The following NMS variants were observed in gnomAD, a reference collection of about 807,000 sequenced individuals.
The protein encoded by NMS is neuromedin S.
Under a neutral mutation model 32.2 loss-of-function variants are expected in NMS, and 30 were observed. The observed-to-expected ratio is 0.93, with a 90% confidence interval of 0.70 to 1.26. The LOEUF is 1.26. Among genes scored for constraint, NMS ranks in the 50% most tolerant of loss-of-function variants. NMS has a pLI of 0.00. For missense variants in NMS, 190 were observed against 186.3 expected, an observed-to-expected ratio of 1.02 and a Z score of -0.12; for synonymous variants, 76 against 58.5, an observed-to-expected ratio of 1.30 and a Z score of -1.37.
chr2:100,477,121 C>A, intron 3 of NMS, 123 bp from the exon 4 acceptor site: 1 of 761,812 alleles, frequency 1.3e-6, no homozygotes, highest in South Asian at 1.7e-5. Flanking sequence ...TTTTAGATTG[C>A]CAATTTATCA....
chr2:100,472,749 A>G, intron 1 of NMS, 46 bp from the exon 2 acceptor site: 1 of 1,221,054 alleles, frequency 8.2e-7, no homozygotes, highest in South Asian at 1.3e-5. Context: ...AGTAAATGCT[A>G]TGACCTCTTT....
chr2:100,478,606 A>G (rs1677157431), intron 5 of NMS, among the ~76,000 whole-genome samples: 1 of 152,100 alleles, frequency 6.6e-6, no homozygotes, highest in South Asian at 2.1e-4. Context: ...CTGGGACTAC[A>G]AGCACGTGCC....
chr2:100,471,767 C>T (rs1232772508), intron 1 of NMS, among the ~76,000 whole-genome samples: 1 of 152,192 alleles, frequency 6.6e-6, no homozygotes, highest in Non-Finnish European at 1.5e-5. Context: ...TTAGGCTAAG[C>T]TTAAGTGTGA....
intron 6 of NMS, among the ~76,000 whole-genome samples, chr2:100,479,641 G>C (rs914979789): frequency 6.6e-6 from 1 of 152,182 alleles, no homozygotes. Context: ...TGAAGGGCCC[G>C]GGGAGAGACC....
chr2:100,476,701 T>G (rs1251159668), intron 3 of NMS, among the ~76,000 whole-genome samples: 1 of 152,198 alleles, frequency 6.6e-6, no homozygotes, highest in Non-Finnish European at 1.5e-5. Flanking sequence ...TCCCGGCATC[T>G]CCTTGAGTCA....
chr2:100,481,764 A>G (rs1224380789), intron 8 of NMS, among the ~76,000 whole-genome samples: 2 of 152,206 alleles, frequency 1.3e-5, no homozygotes, highest in Non-Finnish European at 2.9e-5. Flanking sequence ...GACATTTGTG[A>G]TGTCTCACAA....
At chr2:100,478,010 G>A (rs567398089) in intron 5 of NMS, among the ~76,000 whole-genome samples, 1 of 152,186 alleles carries the variant, frequency 6.6e-6, no homozygotes, top group Admixed American at 6.5e-5. Context: ...CGCCCAGGCT[G>A]GAGTGCAGGG....
chr2:100,481,020 C>T, intron 7 of NMS, 106 bp from the exon 8 acceptor site: 1 of 1,068,540 alleles, frequency 9.4e-7, no homozygotes, highest in East Asian at 2.4e-5. Flanking sequence ...GTTGTTGGTG[C>T]CACTGGTCTG....
At chr2:100,474,057 A>T (rs1418454793) in intron 3 of NMS, among the ~76,000 whole-genome samples, 2 of 152,100 alleles carry the variant, frequency 1.3e-5, no homozygotes, top group Admixed American at 1.3e-4. Context: ...GCATACCTGT[A>T]ATCCCAGCTA....
intron 3 of NMS, among the ~76,000 whole-genome samples, chr2:100,475,597 G>A (rs1433277052): frequency 1.3e-5 from 2 of 152,044 alleles, no homozygotes; most frequent in Non-Finnish European, 1.5e-5. Flanking sequence ...CTAGGGATGG[G>A]GTAGTAAAAC....
At chr2:100,476,695 G>A (rs1321719071) in intron 3 of NMS, among the ~76,000 whole-genome samples, 4 of 152,106 alleles carry the variant, frequency 2.6e-5, no homozygotes, top group Admixed American at 6.5e-5. Flanking sequence ...TCTTCTTCCC[G>A]GCATCTCCTT....
intron 6 of NMS, 81 bp downstream of exon 6, chr2:100,479,508 G>T: frequency 1.6e-6 from 2 of 1,219,896 alleles, no homozygotes; most frequent in Non-Finnish European, 2.3e-6. Flanking sequence ...GTCACCTTGG[G>T]GCTTGCTGTC....
At chr2:100,472,878 T>C in intron 2 of NMS, 28 bp downstream of exon 2, 1 of 1,510,462 alleles carries the variant, frequency 6.6e-7, no homozygotes, top group South Asian at 1.1e-5. Flanking sequence ...AATGTGAGAT[T>C]TTTGTTTAGT....
chr2:100,477,140 A>G, intron 3 of NMS, 104 bp from the exon 4 acceptor site: 1 of 868,874 alleles, frequency 1.2e-6, no homozygotes, highest in South Asian at 1.4e-5. Flanking sequence ...CATAATAGTC[A>G]GGTAAATCCA....
At chr2:100,476,843 A>G (rs1343702448) in intron 3 of NMS, among the ~76,000 whole-genome samples, 1 of 152,186 alleles carries the variant, frequency 6.6e-6, no homozygotes, top group East Asian at 1.9e-4. Context: ...TTGGAGAAAA[A>G]GAAGCTTGAC....
rs181181930 is a variant in NMS, at chr2:100,474,103, T to G, written c.183+564T>G. 2.4e-3 allele frequency among the ~76,000 whole-genome samples: 361 copies of G among 152,226 alleles called. 1 individual carries two copies. Among genetic ancestry groups the G allele is most frequent in the African/African-American group, 8.4e-3 (347 of 41,524 alleles). ...TTGCTTGAACCCGGGAGGCGGAGGT[T>G]GCAGTGAGCCGAGATCATGCCACCA... On this transcript the variant is annotated intron_variant, in intron 3 of 9. Transcript: ENST00000376865.
intron 1 of NMS, 114 bp from the exon 2 acceptor site, chr2:100,472,681 G>C (rs1677024558): frequency 1.5e-6 from 1 of 663,434 alleles, no homozygotes; most frequent in Non-Finnish European, 2.6e-6. Flanking sequence ...CTTTTGAATG[G>C]TTCTTTGGTG....
chr2:100,474,262 G>T (rs1249094296), intron 3 of NMS, among the ~76,000 whole-genome samples: 2 of 152,124 alleles, frequency 1.3e-5, no homozygotes, highest in African/African-American at 2.4e-5. Context: ...GTACAAAAGG[G>T]TGGTAGGATA....
At chr2:100,481,630 T>C (rs1410785710) in intron 8 of NMS, among the ~76,000 whole-genome samples, 2 of 152,224 alleles carry the variant, frequency 1.3e-5, no homozygotes, top group African/African-American at 4.8e-5. Context: ...AGATTCTCAG[T>C]ATTTGCACAG....
Sources: gnomAD v4.1 joint callset for allele counts (sites outside exome capture counted in the v4.1 genomes callset) on GRCh38, gnomAD v4.1.1 for gene constraint, MANE v1.5 for transcripts, NCBI Gene and HGNC (gene_info 2026-07-23, HGNC 2026-07-21) for gene names.